KLF12: variants seen among roughly 807,000 people sequenced by gnomAD.
KLF12 encodes the protein Krueppel-like factor 12.
A neutral mutation model predicts 37.8 loss-of-function variants in KLF12; 9 were observed. That is an observed-to-expected ratio of 0.24 (90% CI 0.14 to 0.42). KLF12 has a LOEUF of 0.42. KLF12 is among the 10% of genes least tolerant of loss of function. The probability of loss-of-function intolerance (pLI) is 1.00; values close to 1 mark genes in which losing one functional copy is unlikely to be tolerated. For synonymous variants in KLF12, 208 were observed against 202.1 expected, an observed-to-expected ratio of 1.03 and a Z score of -0.25; for missense variants, 411 against 516.0, an observed-to-expected ratio of 0.80 and a Z score of 1.97.
the KLF12 span, among the ~76,000 whole-genome samples, chr13:74,160,223 A>G: frequency 6.6e-6 from 1 of 152,160 alleles, no homozygotes; most frequent in Non-Finnish European, 1.5e-5. Flanking sequence ...TTAGTGTACG[A>G]CTGTGGTGTA....
intron 1 of KLF12, among the ~76,000 whole-genome samples, chr13:74,052,933 C>G (rs1016045723): frequency 1.3e-5 from 2 of 152,126 alleles, no homozygotes; most frequent in African/African-American, 4.8e-5. Flanking sequence ...TGTTTTCCCT[C>G]TAAAACATCA....
At chr13:73,840,580 C>T (rs1884686644) in intron 4 of KLF12, among the ~76,000 whole-genome samples, 1 of 151,962 alleles carries the variant, frequency 6.6e-6, no homozygotes, top group African/African-American at 2.4e-5. Flanking sequence ...ACTTCCTCTC[C>T]TTCCCTCATA....
chr13:73,967,687 C>A, intron 2 of KLF12, among the ~76,000 whole-genome samples: 1 of 152,230 alleles, frequency 6.6e-6, no homozygotes, highest in Middle Eastern at 3.4e-3. Flanking sequence ...TGTGTTCTCA[C>A]GAGTTTCGTT....
intron 6 of KLF12, among the ~76,000 whole-genome samples, chr13:73,752,732 T>TA (rs1878862019): frequency 4.7e-5 from 6 of 127,414 alleles, no homozygotes; most frequent in African/African-American, 2.2e-4. Flanking sequence ...ACATATATAT[T>TA]TTTTTTTTTT....
intron 6 of KLF12, among the ~76,000 whole-genome samples, chr13:73,741,750 C>G (rs1430709256): frequency 6.6e-6 from 1 of 152,194 alleles, no homozygotes; most frequent in Non-Finnish European, 1.5e-5. Context: ...CAAGTTACTG[C>G]TCTTATCTTT....
At chr13:73,908,872 T>C (rs767159082) in intron 3 of KLF12, among the ~76,000 whole-genome samples, 13 of 152,162 alleles carry the variant, frequency 8.5e-5, no homozygotes, top group Non-Finnish European at 1.9e-4. Flanking sequence ...AAGTTCATGA[T>C]TGTCTATTTT....
intron 2 of KLF12, among the ~76,000 whole-genome samples, chr13:73,951,105 C>A (rs948712050): frequency 6.6e-6 from 1 of 152,192 alleles, no homozygotes; most frequent in Non-Finnish European, 1.5e-5. Flanking sequence ...CCACAATATC[C>A]TCACAAGTTT....
chr13:74,153,957 G>T, the KLF12 span, among the ~76,000 whole-genome samples: 1 of 152,100 alleles, frequency 6.6e-6, no homozygotes, highest in Non-Finnish European at 1.5e-5. Flanking sequence ...GACGGGTGTG[G>T]TGGCTTATGC....
chr13:74,082,102 A>G lies in KLF12; in HGVS notation c.-32+51637T>C, dbSNP rs562538889. Among the ~76,000 whole-genome samples, 8 of 149,914 alleles carry G rather than the reference A, an allele frequency of 5.3e-5. No individual in the cohort carries two copies. The East Asian group carries it at 1.4e-3, about 27-fold the overall frequency. On this transcript the variant is annotated intron_variant, in intron 1 of 7. Coordinates refer to ENST00000377669, the MANE Select transcript of KLF12 (RefSeq NM_007249.5). Reference sequence around the variant, plus strand: ...CAGCACTTTGGGAGGCTGAGGCAGGAGGACTGCTCGAGCCCAGGAATTCAA... The same window carrying G: ...CAGCACTTTGGGAGGCTGAGGCAGGGGGACTGCTCGAGCCCAGGAATTCAA...
intron 4 of KLF12, among the ~76,000 whole-genome samples, chr13:73,828,787 T>C (rs1213587867): frequency 6.6e-6 from 1 of 152,044 alleles, no homozygotes; most frequent in African/African-American, 2.4e-5. Context: ...ATACTGCCCT[T>C]AAGCTTCATT....
At chr13:74,303,261 G>A in the KLF12 span, among the ~76,000 whole-genome samples, 3 of 152,056 alleles carry the variant, frequency 2.0e-5, no homozygotes, top group Non-Finnish European at 2.9e-5. Context: ...CTCATGCTTG[G>A]CACATGGCAG....
intron 5 of KLF12, among the ~76,000 whole-genome samples, chr13:73,769,182 T>C (rs1332663699): frequency 6.6e-6 from 1 of 152,204 alleles, no homozygotes; most frequent in Non-Finnish European, 1.5e-5. Context: ...GTACAACACA[T>C]GTAAATTTTA....
At chr13:73,971,508 A>C (rs1311160226) in intron 2 of KLF12, among the ~76,000 whole-genome samples, 1 of 151,102 alleles carries the variant, frequency 6.6e-6, no homozygotes, top group Non-Finnish European at 1.5e-5. Flanking sequence ...CACCTCCATG[A>C]CAGTATCTTT....
At chr13:74,174,441 G>A in the KLF12 span, among the ~76,000 whole-genome samples, 493 of 150,814 alleles carry the variant, frequency 3.3e-3, 4 homozygotes, top group African/African-American at 0.012. Flanking sequence ...GGGGTTTCAC[G>A]GTGTTAGCCA....
intron 6 of KLF12, among the ~76,000 whole-genome samples, chr13:73,748,703 C>T (rs1053479974): frequency 6.6e-6 from 1 of 151,956 alleles, no homozygotes; most frequent in Non-Finnish European, 1.5e-5. Context: ...CCAAGTTATG[C>T]CAAATACATT....
the KLF12 span, among the ~76,000 whole-genome samples, chr13:74,218,120 C>A: frequency 6.6e-6 from 1 of 152,146 alleles, no homozygotes; most frequent in Non-Finnish European, 1.5e-5. Context: ...AAACTGCAAG[C>A]CTTAAAAAAA....
intron 4 of KLF12, among the ~76,000 whole-genome samples, chr13:73,843,009 A>G (rs1462908345): frequency 6.6e-6 from 1 of 152,222 alleles, no homozygotes; most frequent in Non-Finnish European, 1.5e-5. Context: ...TGATTATAAA[A>G]ACTTAGTATA....
chr13:73,821,638 G>C (rs549449743), intron 4 of KLF12, among the ~76,000 whole-genome samples: 2 of 152,230 alleles, frequency 1.3e-5, no homozygotes, highest in African/African-American at 4.8e-5. Flanking sequence ...TGTATGCAGG[G>C]CTTTCCTTAA....
chr13:74,033,350 A>C (rs1893163727), intron 1 of KLF12, among the ~76,000 whole-genome samples: 1 of 152,318 alleles, frequency 6.6e-6, no homozygotes, highest in South Asian at 2.1e-4. Context: ...CTGATCCTTA[A>C]AACCTGGCTC....
Sources: allele counts gnomAD v4.1 joint callset (sites outside exome capture counted in the v4.1 genomes callset), GRCh38; gene constraint gnomAD v4.1.1; transcripts MANE v1.5; gene names NCBI Gene and HGNC (gene_info 2026-07-23, HGNC 2026-07-21).